SPTLC2: variants seen among roughly 807,000 people sequenced by gnomAD.
The protein encoded by SPTLC2 is serine palmitoyltransferase 2.
Under a neutral mutation model 62.0 loss-of-function variants are expected in SPTLC2, and 21 were observed. That is an observed-to-expected ratio of 0.34 (90% CI 0.24 to 0.49). The LOEUF (loss-of-function observed/expected upper bound fraction) is 0.49. Among genes scored for constraint, SPTLC2 ranks in the 20% least tolerant of loss-of-function variants. The probability of loss-of-function intolerance (pLI) is 0.99; values close to 1 mark genes in which losing one functional copy is unlikely to be tolerated. For synonymous variants in SPTLC2, 261 were observed against 261.8 expected, an observed-to-expected ratio of 1.00 and a Z score of 0.03; for missense variants, 511 against 713.0, an observed-to-expected ratio of 0.72 and a Z score of 3.23.
At position 77,546,355 on chromosome 14, in the gene SPTLC2, G is replaced by A. The variant is rs571318954; in HGVS notation, c.1303+5741C>T. Among the ~76,000 whole-genome samples the A allele has an allele frequency of 8.5e-5, 13 of 152,272 alleles. No individual in the cohort carries two copies. In the South Asian group the frequency reaches 2.5e-3, roughly 29 times the overall value. On this transcript the variant is annotated intron_variant, in intron 9 of 11. Coordinates refer to ENST00000216484, the MANE Select transcript of SPTLC2 (RefSeq NM_004863.4). ...TAATCAAGAAGCTGCTTTGATTGCT[G>A]ATAATTTACTAGAGTGACAGTATCC...
At chr14:77,513,157 T>C (rs2079341714) in intron 11 of SPTLC2, among the ~76,000 whole-genome samples, 1 of 149,982 alleles carries the variant, frequency 6.7e-6, no homozygotes, top group Non-Finnish European at 1.5e-5. Flanking sequence ...CTTGAGTAGC[T>C]GGGACTACAG....
At chr14:77,612,836 G>T (rs1276419629) in intron 1 of SPTLC2, among the ~76,000 whole-genome samples, 4 of 152,096 alleles carry the variant, frequency 2.6e-5, no homozygotes, top group South Asian at 2.1e-4. Context: ...CCTTGAGATA[G>T]AATTTTTTAT....
intron 2 of SPTLC2, among the ~76,000 whole-genome samples, chr14:77,593,609 T>C (rs1393306683): frequency 6.6e-6 from 1 of 152,194 alleles, no homozygotes; most frequent in Non-Finnish European, 1.5e-5. Context: ...TCATGGTAAC[T>C]CATCTTTATT....
intron 9 of SPTLC2, among the ~76,000 whole-genome samples, chr14:77,535,216 C>G (rs933233077): frequency 6.6e-6 from 1 of 152,108 alleles, no homozygotes; most frequent in African/African-American, 2.4e-5. Context: ...TGTGAGCCAC[C>G]ACACCCAGCC....
chr14:77,531,443 T>TCTTCTTCTTCTTCTTCTTCTCCTC (rs1478198521), intron 9 of SPTLC2, among the ~76,000 whole-genome samples: 1 of 130,278 alleles, frequency 7.7e-6, no homozygotes, highest in African/African-American at 3.0e-5. Flanking sequence ...TTCTTCTTCT[T>TCTTCTTCTTCTTCTTCTTCTCCTC]CTCCTCCTTC....
At chr14:77,564,436 C>CAA (rs1338987613) in intron 5 of SPTLC2, among the ~76,000 whole-genome samples, 2 of 80,898 alleles carry the variant, frequency 2.5e-5, no homozygotes, top group African/African-American at 8.7e-5. Context: ...CACACACACA[C>CAA]ACACACACAC....
chr14:77,558,682 C>T (rs938005453), intron 6 of SPTLC2, among the ~76,000 whole-genome samples: 1 of 148,128 alleles, frequency 6.8e-6, no homozygotes, highest in Non-Finnish European at 1.5e-5. Context: ...AGTGCAGTGG[C>T]GTGATCTCTG....
chr14:77,558,045 T>C (rs1471385846), intron 6 of SPTLC2, among the ~76,000 whole-genome samples: 3 of 132,120 alleles, frequency 2.3e-5, no homozygotes, highest in Non-Finnish European at 3.3e-5. Context: ...CATCCTATCA[T>C]AAAATCTTTT....
In SPTLC2 at chr14:77,531,349, G is replaced by C. The variant is rs140787165; in HGVS notation, c.1304-9768C>G. On this transcript the variant is annotated intron_variant, in intron 9 of 11. Coordinates refer to ENST00000216484, the MANE Select transcript of SPTLC2 (RefSeq NM_004863.4). ...GACTATTCCATATGCTTCTCAGGAA[G>C]ATGGTACTCTTCCTGGTTGACTGTT... Among the ~76,000 whole-genome samples, 209 of 152,246 alleles carry C rather than the reference G, an allele frequency of 1.4e-3. 1 individual carries two copies. The highest frequency in any genetic ancestry group is 4.7e-3 in the African/African-American group (194 of 41,552).
intron 9 of SPTLC2, among the ~76,000 whole-genome samples, chr14:77,529,840 C>G: frequency 6.6e-6 from 1 of 151,638 alleles, no homozygotes; most frequent in East Asian, 1.9e-4. Flanking sequence ...CCAGGCTGGT[C>G]TCAAACTCCT....
intron 8 of SPTLC2, chr14:77,554,780 AT>A: frequency 5.9e-6 from 1 of 170,466 alleles, no homozygotes; most frequent in South Asian, 1.4e-4. Flanking sequence ...TCACCGTATG[AT>A]TTTTTTCTGA....
chr14:77,509,747 A>G lies in SPTLC2; in HGVS notation c.*2537T>C. 1 of 396,614 alleles carries G rather than the reference A, an allele frequency of 2.5e-6. No individual in the cohort carries two copies. Among genetic ancestry groups the G allele is most frequent in the Non-Finnish European group, 4.4e-6 (1 of 225,256 alleles). 24.6% of individuals were successfully genotyped at this position (396,614 alleles called of 1,614,324 possible). On this transcript the variant is annotated 3_prime_UTR_variant, in exon 12 of 12. Transcript: ENST00000216484. ...TTACAGTTTCAAGAAGAGACAACCA[A>G]CCATGTATAATGTCTACATAACATT...
chr14:77,606,112 A>G lies in SPTLC2; in HGVS notation c.133-8732T>C, dbSNP rs146726420. Among the ~76,000 whole-genome samples, 294 of 152,256 alleles carry G rather than the reference A, an allele frequency of 1.9e-3. 1 individual carries two copies. Among genetic ancestry groups the G allele is most frequent in the African/African-American group, 6.8e-3 (282 of 41,558 alleles). ...TTTGGGAGGCCGAGGCAGGCTGATC[A>G]TGAGGTCAGGACTTCGAGACCAGCC... On this transcript the variant is annotated intron_variant, in intron 1 of 11. Transcript: ENST00000216484.
chr14:77,589,920 G>C (rs1331390338), intron 2 of SPTLC2, among the ~76,000 whole-genome samples: 1 of 150,916 alleles, frequency 6.6e-6, no homozygotes, highest in African/African-American at 2.4e-5. Flanking sequence ...AGAGACTGCA[G>C]TGAGCTGAGA....
chr14:77,517,387 CAAT>C (rs1419313234), intron 11 of SPTLC2, among the ~76,000 whole-genome samples: 1 of 152,064 alleles, frequency 6.6e-6, no homozygotes, highest in African/African-American at 2.4e-5. Context: ...AGACTTGCAA[CAAT>C]AACATATTAA....
intron 1 of SPTLC2, among the ~76,000 whole-genome samples, chr14:77,597,871 C>T (rs186583695): frequency 9.3e-5 from 14 of 151,100 alleles, no homozygotes; most frequent in Non-Finnish European, 1.5e-4. Flanking sequence ...CGCCTATAAT[C>T]CCAGCACTTT....
At chr14:77,599,539 C>CA (rs2079866108) in intron 1 of SPTLC2, among the ~76,000 whole-genome samples, 4 of 152,154 alleles carry the variant, frequency 2.6e-5, no homozygotes, top group Admixed American at 2.6e-4. Flanking sequence ...TTGTATGTGA[C>CA]AAAGGACAGG....
In SPTLC2 at chr14:77,517,744, C is replaced by T. The variant is rs1018206060; in HGVS notation, c.1569+294G>A. On this transcript the variant is annotated intron_variant, in intron 11 of 11. Transcript: ENST00000216484. Reference sequence around the variant, plus strand: ...TCAAGAGAGAAAATTTTAGACAGAACAACATATGAGAAAGCTTAATGTAGA... The same window carrying T: ...TCAAGAGAGAAAATTTTAGACAGAATAACATATGAGAAAGCTTAATGTAGA... Among the ~76,000 whole-genome samples the T allele has an allele frequency of 2.6e-5, 4 of 151,892 alleles. No homozygotes were observed. In the South Asian group the frequency reaches 6.2e-4, roughly 24 times the overall value.
At chr14:77,592,026 T>C (rs901085018) in intron 2 of SPTLC2, among the ~76,000 whole-genome samples, 3 of 151,484 alleles carry the variant, frequency 2.0e-5, no homozygotes, top group Non-Finnish European at 4.4e-5. Context: ...GCCCAGCCAG[T>C]TGTGTTCTTT....
Sources: allele counts gnomAD v4.1 joint callset (sites outside exome capture counted in the v4.1 genomes callset), GRCh38; gene constraint gnomAD v4.1.1; transcripts MANE v1.5; gene names NCBI Gene and HGNC (gene_info 2026-07-23, HGNC 2026-07-21).